Variants in IP6K1 observed in about 807,000 individuals in gnomAD.
The protein encoded by IP6K1 is inositol hexakisphosphate kinase 1.
In IP6K1, 13 loss-of-function variants were observed where a neutral mutation model predicts 38.3. The observed-to-expected ratio is 0.34, with a 90% confidence interval of 0.22 to 0.54. The LOEUF is 0.54. IP6K1 is among the 20% of genes least tolerant of loss of function. The pLI is 0.92. For synonymous variants in IP6K1, 212 were observed against 229.9 expected (o/e 0.92, Z 0.70); for missense variants, 397 against 599.8 (o/e 0.66, Z 3.53).
intron 1 of IP6K1, among the ~76,000 whole-genome samples, chr3:49,767,723 T>G (rs1262769959): frequency 6.6e-6 from 1 of 152,160 alleles, no homozygotes; most frequent in Non-Finnish European, 1.5e-5. Flanking sequence ...CTGAGCAATA[T>G]AGTGAGATCC....
intron 1 of IP6K1, among the ~76,000 whole-genome samples, chr3:49,780,104 G>A (rs1462385279): frequency 6.6e-6 from 1 of 151,982 alleles, no homozygotes; most frequent in African/African-American, 2.4e-5. Flanking sequence ...TTTATATAAT[G>A]AGACAGGAAT....
chr3:49,775,552 T>TG, intron 1 of IP6K1: 1 of 1,019,544 alleles, frequency 9.8e-7, no homozygotes, highest in African/African-American at 1.6e-5. Context: ...ATTGTCAATT[T>TG]GGGGAGCTCT....
At chr3:49,758,168 G>T (rs1178242111) in intron 1 of IP6K1, among the ~76,000 whole-genome samples, 1 of 151,966 alleles carries the variant, frequency 6.6e-6, no homozygotes, top group Non-Finnish European at 1.5e-5. Flanking sequence ...AAATTAGCCA[G>T]GCATGGTGGC....
chr3:49,778,622 G>C (rs2081039196), intron 1 of IP6K1, among the ~76,000 whole-genome samples: 1 of 151,802 alleles, frequency 6.6e-6, no homozygotes, highest in South Asian at 2.1e-4. Flanking sequence ...GACAAAGCGA[G>C]ACTTCATCTC....
intron 1 of IP6K1, among the ~76,000 whole-genome samples, chr3:49,773,051 C>G (rs1038944368): frequency 6.6e-6 from 1 of 152,052 alleles, no homozygotes; most frequent in Admixed American, 6.6e-5. Context: ...TTTTGAACTT[C>G]TAAGCTTAAC....
chr3:49,733,345 A>C (rs1026796282), intron 3 of IP6K1, among the ~76,000 whole-genome samples: 2 of 152,228 alleles, frequency 1.3e-5, no homozygotes, highest in Non-Finnish European at 2.9e-5. Flanking sequence ...TGCAGCCACC[A>C]AACAGTTTGG....
intron 3 of IP6K1, among the ~76,000 whole-genome samples, chr3:49,736,928 T>C (rs1366297050): frequency 1.8e-4 from 28 of 151,874 alleles, no homozygotes. Context: ...CCCACCACCA[T>C]GCCCGGCTAA....
At chr3:49,752,829 C>T (rs1480004308) in intron 1 of IP6K1, among the ~76,000 whole-genome samples, 1 of 150,430 alleles carries the variant, frequency 6.6e-6, no homozygotes, top group East Asian at 2.0e-4. Flanking sequence ...TCTTGGCTTA[C>T]TGCAACCTCC....
At chr3:49,777,117 T>A (rs1192255338) in intron 1 of IP6K1, among the ~76,000 whole-genome samples, 1 of 152,062 alleles carries the variant, frequency 6.6e-6, no homozygotes, top group Non-Finnish European at 1.5e-5. Flanking sequence ...ATGCCTGTAA[T>A]CCCTGCTACT....
chr3:49,763,916 G>C (rs772712247), intron 1 of IP6K1, among the ~76,000 whole-genome samples: 2 of 152,124 alleles, frequency 1.3e-5, no homozygotes, highest in Non-Finnish European at 2.9e-5. Flanking sequence ...CAGCTACTCG[G>C]GAGGCTGAGG....
intron 1 of IP6K1, among the ~76,000 whole-genome samples, chr3:49,776,584 T>C (rs2081010670): frequency 6.6e-6 from 1 of 151,874 alleles, no homozygotes; most frequent in Non-Finnish European, 1.5e-5. Flanking sequence ...AGGACACTTA[T>C]TTACAGTATG....
chr3:49,746,797 C>T (rs547921837), intron 2 of IP6K1, among the ~76,000 whole-genome samples: 3 of 151,880 alleles, frequency 2.0e-5, no homozygotes, highest in East Asian at 3.9e-4. Context: ...AAGCCAGACA[C>T]AAAAGGTCAA....
chr3:49,724,893 T>G lies in IP6K1; in HGVS notation c.*2229A>C, dbSNP rs1002600850. The G allele has an allele frequency of 3.9e-5, 6 of 152,694 alleles. No homozygotes were observed. Among genetic ancestry groups the G allele is most frequent in the Non-Finnish European group, 5.9e-5 (4 of 68,094 alleles). The allele number at this position is 152,694 out of a possible 1,614,324, so 9.5% of individuals were successfully genotyped here. On this transcript the variant is annotated 3_prime_UTR_variant, in exon 6 of 6. Coordinates refer to ENST00000321599, the MANE Select transcript of IP6K1 (RefSeq NM_153273.4). ...CCCAGGGAAGCACTATAGAGAGGGCTCACCTGAGCACCCCAACCCATGATC... is the reference window on the plus strand; with the variant it reads ...CCCAGGGAAGCACTATAGAGAGGGCGCACCTGAGCACCCCAACCCATGATC...
At chr3:49,776,898 T>C (rs1364123108) in intron 1 of IP6K1, among the ~76,000 whole-genome samples, 2 of 152,188 alleles carry the variant, frequency 1.3e-5, no homozygotes, top group African/African-American at 4.8e-5. Context: ...AGGCTGGGGT[T>C]GACTGGAAAG....
chr3:49,743,908 C>T (rs544717883), intron 2 of IP6K1, among the ~76,000 whole-genome samples: 58 of 151,890 alleles, frequency 3.8e-4, no homozygotes, highest in Admixed American at 1.2e-3. Context: ...GCATGAGCCA[C>T]CATGCCCGGC....
At chr3:49,779,185 G>C (rs1182009546) in intron 1 of IP6K1, among the ~76,000 whole-genome samples, 1 of 152,092 alleles carries the variant, frequency 6.6e-6, no homozygotes, top group East Asian at 1.9e-4. Context: ...TGTTTCTATA[G>C]AATTGCCTAT....
intron 1 of IP6K1, among the ~76,000 whole-genome samples, chr3:49,782,964 A>C (rs1316196908): frequency 6.6e-6 from 1 of 151,286 alleles, no homozygotes; most frequent in East Asian, 2.0e-4. Context: ...AAAAAAAAAA[A>C]AAAAAATTAG....
At chr3:49,729,352 T>A (rs2080543348) in intron 4 of IP6K1, among the ~76,000 whole-genome samples, 1 of 152,188 alleles carries the variant, frequency 6.6e-6, no homozygotes, top group Admixed American at 6.5e-5. Context: ...TTGTTGTTTT[T>A]TGGTTTTTTA....
At chr3:49,752,920 A>G (rs2080791097) in intron 1 of IP6K1, among the ~76,000 whole-genome samples, 1 of 150,752 alleles carries the variant, frequency 6.6e-6, no homozygotes, top group South Asian at 2.1e-4. Flanking sequence ...ATGCCCAGCT[A>G]ATTTTATTTT....
Sources: gnomAD v4.1 joint callset for allele counts (sites outside exome capture counted in the v4.1 genomes callset) on GRCh38, gnomAD v4.1.1 for gene constraint, MANE v1.5 for transcripts, NCBI Gene and HGNC (gene_info 2026-07-23, HGNC 2026-07-21) for gene names.